MTRF1: variants seen among roughly 807,000 people sequenced by gnomAD.
MTRF1 encodes the protein peptide chain release factor 1, mitochondrial.
A neutral mutation model predicts 62.9 loss-of-function variants in MTRF1; 51 were observed. The ratio of observed to expected loss-of-function variants is 0.81; its 90% CI spans 0.65 to 1.02. The LOEUF (loss-of-function observed/expected upper bound fraction) is 1.02, where lower values mean the gene tolerates loss of function less well. Among genes scored for constraint, MTRF1 ranks in the 50% least tolerant of loss-of-function variants. The probability of loss-of-function intolerance (pLI) is 0.00; values close to 1 mark genes in which losing one functional copy is unlikely to be tolerated. For missense variants in MTRF1, 446 were observed against 530.0 expected (o/e 0.84, Z 1.56); for synonymous variants, 158 against 181.9 (o/e 0.87, Z 1.06).
Position 41,233,903 on chromosome 13 carries a change from G to A in MTRF1, c.975C>T (p.Val325=). 2 of 1,613,300 alleles carry A rather than the reference G, an allele frequency of 1.2e-6. No individual in the cohort carries two copies. The highest frequency in any genetic ancestry group is 1.3e-5 in the African/African-American group (1 of 75,016). ...GGGCTTGCTTACCTGTGGGGATGTG[G>A]ACAAGTCTGACGGCACTATCAGTTT... is the stretch of plus-strand genomic sequence containing the variant. The part of the protein sequence containing the change: ...VNKTDSAVRL[V]HIPTGLVVEC... The change falls in exon 7 of 10, where the codon GTC becomes GTT. Residue 325 remains valine (V), a synonymous_variant. Transcript: ENST00000379480.
chr13:41,275,301 T>C, the MTRF1 span, among the ~76,000 whole-genome samples: 6,364 of 148,072 alleles, frequency 0.043, 148 homozygotes, highest in Middle Eastern at 0.096. Flanking sequence ...CCCGGGTTCA[T>C]GCCATTCTTT....
the MTRF1 span, among the ~76,000 whole-genome samples, chr13:41,305,166 C>T: frequency 6.6e-6 from 1 of 152,170 alleles, no homozygotes; most frequent in Non-Finnish European, 1.5e-5. Context: ...AAGCTATTAT[C>T]CCACCTCAGC....
chr13:41,252,694 G>A lies in MTRF1; in HGVS notation c.648C>T (p.Cys216=). 1 of 1,613,690 alleles carries A rather than the reference G, an allele frequency of 6.2e-7. No individual in the cohort carries two copies. Among genetic ancestry groups the A allele is most frequent in the Non-Finnish European group, 8.5e-7 (1 of 1,179,824 alleles). ...EIFDMYQNYS[C]YKHWQFELLN... ...GAAGTTCAAATTGCCAGTGTTTATA[G>A]CACGAATAATTCTGGTACATGTCAA... The change falls in exon 5 of 10, where the codon TGC becomes TGT. Residue 216 remains cysteine, a synonymous_variant. Transcript: ENST00000379480.
chr13:41,258,575 CA>C (rs11320576), intron 2 of MTRF1, among the ~76,000 whole-genome samples: 75,527 of 132,886 alleles, frequency 0.57, 20,245 homozygotes, highest in South Asian at 0.63. Flanking sequence ...AAAAAAAAAA[CA>C]AAAAAAAAAA....
chr13:41,299,958 G>A, the MTRF1 span, among the ~76,000 whole-genome samples: 1 of 152,192 alleles, frequency 6.6e-6, no homozygotes, highest in Non-Finnish European at 1.5e-5. Flanking sequence ...AATGTGTGTA[G>A]CTCAAATAAT....
intron 5 of MTRF1, among the ~76,000 whole-genome samples, chr13:41,248,793 T>A (rs1260100580): frequency 2.0e-5 from 3 of 152,194 alleles, no homozygotes; most frequent in Non-Finnish European, 4.4e-5. Flanking sequence ...GCTGGGGAGA[T>A]AATGCAATAT....
chr13:41,301,763 A>C, the MTRF1 span, among the ~76,000 whole-genome samples: 6 of 152,054 alleles, frequency 3.9e-5, no homozygotes, highest in Non-Finnish European at 7.4e-5. Flanking sequence ...AAAAAAAGAA[A>C]GGCAAGGACC....
At chr13:41,223,452 T>A in intron 8 of MTRF1, 98 bp from the exon 9 acceptor site, 1 of 955,692 alleles carries the variant, frequency 1.0e-6, no homozygotes, top group South Asian at 1.5e-5. Flanking sequence ...ACAATTTAGA[T>A]ACTTTCTAAA....
chr13:41,268,411 A>C (rs1200934841), upstream of MTRF1, among the ~76,000 whole-genome samples: 1 of 152,174 alleles, frequency 6.6e-6, no homozygotes, highest in African/African-American at 2.4e-5. Flanking sequence ...AAAACATTTG[A>C]TATCACAGAT....
At chr13:41,269,764 G>C in the MTRF1 span, among the ~76,000 whole-genome samples, 1 of 151,910 alleles carries the variant, frequency 6.6e-6, no homozygotes, top group African/African-American at 2.4e-5. Flanking sequence ...AACTATGATA[G>C]TCATGATTTA....
the MTRF1 span, among the ~76,000 whole-genome samples, chr13:41,285,760 G>A: frequency 3.5e-4 from 54 of 152,202 alleles, no homozygotes; most frequent in African/African-American, 1.1e-3. Flanking sequence ...ATTGCATGAA[G>A]TTGAGACACT....
the MTRF1 span, among the ~76,000 whole-genome samples, chr13:41,307,879 A>G: frequency 5.3e-5 from 8 of 152,226 alleles, no homozygotes; most frequent in African/African-American, 1.9e-4. Context: ...TGTGAAAGAC[A>G]GATGAAGAAG....
the MTRF1 span, among the ~76,000 whole-genome samples, chr13:41,299,487 A>T: frequency 6.6e-6 from 1 of 152,116 alleles, no homozygotes; most frequent in African/African-American, 2.4e-5. Context: ...GTAATATGAG[A>T]TCAATTTTTT....
In MTRF1 at chr13:41,260,844, G is replaced by T. The variant is rs747378166; in HGVS notation, c.64C>A (p.His22Asn). ...HPSLNGYLQC[H>N]IQLHSHQFRQ... ...AATTGATGAGAATGGAGCTGGATGT[G>T]ACACTGGAGGTAACCATTAAGAGAT... is the stretch of plus-strand genomic sequence containing the variant. Residue 22 changes from histidine to asparagine, a missense_variant, in exon 2 of 10, where the codon CAC becomes AAC. By Grantham distance (68) the His-to-Asn change is moderately conservative. Coordinates refer to ENST00000379480, the MANE Select transcript of MTRF1 (RefSeq NM_004294.4). 1.2e-6 allele frequency: 2 copies of T among 1,613,914 alleles called. No individual in the cohort carries two copies. The highest frequency in any genetic ancestry group is 3.3e-4 in the Middle Eastern group (2 of 6,060).
chr13:41,292,380 C>G, the MTRF1 span, among the ~76,000 whole-genome samples: 6 of 151,906 alleles, frequency 3.9e-5, no homozygotes, highest in Admixed American at 6.6e-5. Flanking sequence ...GTCAGGAGAT[C>G]GAGACCATCC....
chr13:41,286,828 T>C, the MTRF1 span, among the ~76,000 whole-genome samples: 1 of 152,236 alleles, frequency 6.6e-6, no homozygotes, highest in Non-Finnish European at 1.5e-5. Context: ...GCTGAGTTTG[T>C]TATACTCATT....
intron 5 of MTRF1, chr13:41,252,331 CCTTA>C (rs1183567782): frequency 5.8e-6 from 1 of 173,156 alleles, no homozygotes. Flanking sequence ...AAAGTAAAAA[CCTTA>C]ATATACCTTT....
At chr13:41,294,416 C>CAAAAAAAA in the MTRF1 span, among the ~76,000 whole-genome samples, 1 of 79,462 alleles carries the variant, frequency 1.3e-5, no homozygotes, top group Admixed American at 1.5e-4. Context: ...GACTCCATCT[C>CAAAAAAAA]AAAAAAAAAA....
chr13:41,306,090 A>G, the MTRF1 span, among the ~76,000 whole-genome samples: 1 of 151,954 alleles, frequency 6.6e-6, no homozygotes, highest in East Asian at 1.9e-4. Context: ...TCTTTCTCGG[A>G]AAAAAGAGCC....
Sources: gnomAD v4.1 joint callset for allele counts (sites outside exome capture counted in the v4.1 genomes callset) on GRCh38, gnomAD v4.1.1 for gene constraint, MANE v1.5 for transcripts, NCBI Gene and HGNC (gene_info 2026-07-23, HGNC 2026-07-21) for gene names.